SYNE2: variants seen among roughly 807,000 people sequenced by gnomAD.
SYNE2 encodes spectrin repeat containing nuclear envelope protein 2.
In SYNE2, 431 loss-of-function variants were observed where a neutral mutation model predicts 856.3. The ratio of observed to expected loss-of-function variants is 0.50; its 90% CI spans 0.47 to 0.55. SYNE2 has a LOEUF of 0.55. SYNE2 is among the 20% of genes least tolerant of loss of function. The pLI is 0.00. For missense variants in SYNE2, 8,129 were observed against 8,023.2 expected, an observed-to-expected ratio of 1.01 and a Z score of -0.50; for synonymous variants, 2,923 against 2,872.3, an observed-to-expected ratio of 1.02 and a Z score of -0.56.
chr14:64,146,875 A>G (rs1189269098), intron 84 of SYNE2, among the ~76,000 whole-genome samples: 3 of 152,220 alleles, frequency 2.0e-5, no homozygotes, highest in Admixed American at 6.5e-5. Flanking sequence ...CGGCCTTACA[A>G]TAGTCACTGT....
In SYNE2 at chr14:63,978,858, C is replaced by T. The variant is rs1159164541; in HGVS notation, c.1413C>T (p.Asn471=). The T allele has an allele frequency of 6.2e-7, 1 of 1,611,972 alleles. No individual in the cohort carries two copies. Among genetic ancestry groups the T allele is most frequent in the African/African-American group, 1.3e-5 (1 of 75,018 alleles). ...NKLEEMKRRI[N]NILEKKFILL... is the part of the protein sequence containing the mutation. ...AACCTGCACTGTTTTCCAGAATCAA[C>T]AACATTTTGGAGAAAAAATTTATTC... The change falls in exon 14 of 116, where the codon AAC becomes AAT. Residue 471 remains asparagine, a synonymous_variant. Transcript: ENST00000555002.
intron 100 of SYNE2, among the ~76,000 whole-genome samples, chr14:64,206,541 A>G (rs1014893686): frequency 2.0e-5 from 3 of 151,468 alleles, no homozygotes; most frequent in African/African-American, 7.3e-5. Flanking sequence ...ATGTTTTTTG[A>G]AAAGTTTTGA....
In SYNE2 at chr14:64,007,107, C is replaced by T. The variant is rs786205488; in HGVS notation, c.4462C>T (p.Gln1488Ter). The change falls in exon 31 of 116, where the codon CAA (glutamine) becomes TAA (stop). Residue 1488 changes from glutamine (Q) to a stop codon, truncating the protein, a stop_gained. Transcript: ENST00000555002. LOFTEE classifies it high-confidence loss of function. The part of the protein sequence containing the change: ...DEYEEEKRHL[Q>*]EMANSLPHFK... Reference sequence around the variant, plus strand: ...ATATGAAGAAGAGAAGAGACATTTACAAGAAATGGCTAATTCTCTTCCACA... The same window carrying T: ...ATATGAAGAAGAGAAGAGACATTTATAAGAAATGGCTAATTCTCTTCCACA... 6.2e-7 allele frequency: 1 copy of T among 1,613,270 alleles called. No individual in the cohort carries two copies. The highest frequency in any genetic ancestry group is 8.5e-7 in the Non-Finnish European group (1 of 1,179,308).
chr14:63,814,842 C>CTA (rs1888827768), intron 1 of SYNE2, among the ~76,000 whole-genome samples: 2 of 45,470 alleles, frequency 4.4e-5, no homozygotes, highest in African/African-American at 7.1e-5. Flanking sequence ...ATATACATAT[C>CTA]TCCATATATA....
In SYNE2 at chr14:64,125,095, G is replaced by T; in HGVS notation, c.13439G>T (p.Gly4480Val). 1.2e-6 allele frequency: 2 copies of T among 1,614,132 alleles called. No individual in the cohort carries two copies. The highest frequency in any genetic ancestry group is 1.7e-6 in the Non-Finnish European group (2 of 1,180,010). Reference sequence around the variant, plus strand: ...GTCAAATAGGTTTCCACAAATATGGGTATTCTACCCAGCGTGACTATGTAT... The same window carrying T: ...GTCAAATAGGTTTCCACAAATATGGTTATTCTACCCAGCGTGACTATGTAT... Reference protein sequence around the residue: ...LVEPQVSTNMGILPSVTMYNF... With the variant: ...LVEPQVSTNMVILPSVTMYNF... Residue 4480 changes from glycine (G) to valine (V), a missense_variant, in exon 71 of 116, where the codon GGT (glycine) becomes GTT (valine). Around this residue, in one of 3 missense-constraint regions of SYNE2, gnomAD observed 5,410 missense variants for 5,284.8 expected, o/e 1.02. Transcript: ENST00000555002.
intron 70 of SYNE2, among the ~76,000 whole-genome samples, chr14:64,123,248 C>G (rs1186011452): frequency 6.6e-6 from 1 of 152,234 alleles, no homozygotes; most frequent in African/African-American, 2.4e-5. Flanking sequence ...CTCCTTATCA[C>G]TGCCGTCACA....
chr14:64,146,062 A>T lies in SYNE2; in HGVS notation c.15484-6A>T, dbSNP rs1009151850. The stretch of plus-strand genomic sequence containing the variant: ...AACATTTTTTGTAATCTTTACATTC[A>T]CTTAGATACAACATTTAGAACAACT... On this transcript the variant is annotated splice_polypyrimidine_tract_variant and splice_region_variant and intron_variant, in intron 83 of 115. Transcript: ENST00000555002. 2 of 1,551,420 alleles carry T rather than the reference A, an allele frequency of 1.3e-6. No homozygotes were observed. The highest frequency in any genetic ancestry group is 1.8e-5 in the Admixed American group (1 of 54,800).
At chr14:64,138,139 T>C (rs556741769) in intron 79 of SYNE2, 156 bp downstream of exon 79, 7 of 722,116 alleles carry the variant, frequency 9.7e-6, no homozygotes, top group Admixed American at 9.2e-5. Flanking sequence ...CTAAACGCGA[T>C]GTAGAATCTC....
chr14:63,880,671 A>ATT (rs35718279), intron 1 of SYNE2, among the ~76,000 whole-genome samples: 13 of 130,086 alleles, frequency 1.0e-4, no homozygotes, highest in African/African-American at 1.1e-4. Context: ...ATTGTCTTTA[A>ATT]TTTTTTTTTT....
At position 63,869,826 on chromosome 14, in the gene SYNE2, G is replaced by T. The variant is rs376550413; in HGVS notation, c.-52+16683G>T. ...GACCCATTAGCCCACCCCATTGCTG[G>T]AATATCCAATTTATCCCATACCTTC... On this transcript the variant is annotated intron_variant, in intron 1 of 115. Coordinates refer to ENST00000555002, the MANE Select transcript of SYNE2 (RefSeq NM_182914.3). Among the ~76,000 whole-genome samples, 14 of 152,100 alleles carry T rather than the reference G, an allele frequency of 9.2e-5. No individual in the cohort carries two copies. In the East Asian group the frequency reaches 2.3e-3, roughly 25 times the overall value.
chr14:63,897,735 A>T (rs952962253), intron 1 of SYNE2, among the ~76,000 whole-genome samples: 1 of 152,040 alleles, frequency 6.6e-6, no homozygotes, highest in Non-Finnish European at 1.5e-5. Context: ...TTGTGTTCTT[A>T]ACTGGCCTGT....
At chr14:64,069,635 C>T (rs1047132069) in intron 51 of SYNE2, among the ~76,000 whole-genome samples, 9 of 152,150 alleles carry the variant, frequency 5.9e-5, no homozygotes, top group Non-Finnish European at 1.0e-4. Flanking sequence ...CCAAAAGGTC[C>T]GTTCAGTGCT....
At chr14:64,098,870 A>G in intron 63 of SYNE2, 49 bp downstream of exon 63, 1 of 1,566,644 alleles carries the variant, frequency 6.4e-7, no homozygotes, top group East Asian at 2.2e-5. Context: ...CAGATCTCTA[A>G]AAGAAGTCAA....
intron 1 of SYNE2, among the ~76,000 whole-genome samples, chr14:63,895,277 T>A (rs1051842336): frequency 1.3e-5 from 2 of 151,466 alleles, no homozygotes; most frequent in African/African-American, 4.8e-5. Flanking sequence ...GCTAATTTTT[T>A]TTTTTTTATT....
At chr14:63,796,439 AG>A (rs1887916764) in intron 1 of SYNE2, among the ~76,000 whole-genome samples, 1 of 147,576 alleles carries the variant, frequency 6.8e-6, no homozygotes, top group South Asian at 2.3e-4. Flanking sequence ...CCTGGGCAAC[AG>A]AGCAAGACTC....
At chr14:64,032,407 A>G (rs2097046675) in intron 45 of SYNE2, among the ~76,000 whole-genome samples, 1 of 152,074 alleles carries the variant, frequency 6.6e-6, no homozygotes, top group Admixed American at 6.5e-5. Flanking sequence ...AAAAATAATA[A>G]TATTAATAAC....
At chr14:64,136,410 A>T (rs995722409) in intron 78 of SYNE2, among the ~76,000 whole-genome samples, 2 of 147,870 alleles carry the variant, frequency 1.4e-5, no homozygotes, top group African/African-American at 4.9e-5. Flanking sequence ...CTTTTAATAC[A>T]GATGCTCAGA....
intron 83 of SYNE2, among the ~76,000 whole-genome samples, chr14:64,145,575 ATGTG>A (rs1179191654): frequency 6.6e-6 from 1 of 152,074 alleles, no homozygotes; most frequent in Non-Finnish European, 1.5e-5. Flanking sequence ...GAATATAAAA[ATGTG>A]TGTATATTAT....
chr14:63,772,900 C>T (rs12896920), intron 1 of SYNE2, among the ~76,000 whole-genome samples: 1 of 151,774 alleles, frequency 6.6e-6, no homozygotes, highest in Non-Finnish European at 1.5e-5. Context: ...GCCTCAGCCT[C>T]CCGAGTAGCT....
Sources: allele counts gnomAD v4.1 joint callset (sites outside exome capture counted in the v4.1 genomes callset), GRCh38; gene constraint gnomAD v4.1.1; regional missense constraint gnomAD v4.1.1; transcripts MANE v1.5; gene names NCBI Gene and HGNC (gene_info 2026-07-23, HGNC 2026-07-21).